Variants in PPP4R4 observed in about 807,000 individuals in gnomAD.
The protein encoded by PPP4R4 is protein phosphatase 4 regulatory subunit 4, also known as serine/threonine-protein phosphatase 4 regulatory subunit 4.
A neutral mutation model predicts 121.8 loss-of-function variants in PPP4R4; 70 were observed. That is an observed-to-expected ratio of 0.57 (90% CI 0.47 to 0.70). The LOEUF (loss-of-function observed/expected upper bound fraction) is 0.70, where lower values mean the gene tolerates loss of function less well. Among genes scored for constraint, PPP4R4 ranks in the 30% least tolerant of loss-of-function variants. The probability of loss-of-function intolerance (pLI) is 0.00; values close to 1 mark genes in which losing one functional copy is unlikely to be tolerated. For missense variants in PPP4R4, 875 were observed against 1,033.6 expected, an observed-to-expected ratio of 0.85 and a Z score of 2.10; for synonymous variants, 348 against 355.7, an observed-to-expected ratio of 0.98 and a Z score of 0.24.
At chr14:94,271,212 G>T (rs1264161141) in intron 23 of PPP4R4, among the ~76,000 whole-genome samples, 2 of 152,042 alleles carry the variant, frequency 1.3e-5, no homozygotes, top group Non-Finnish European at 2.9e-5. Flanking sequence ...GTCATTCCAA[G>T]AAAAGAATAA....
intron 14 of PPP4R4, among the ~76,000 whole-genome samples, chr14:94,247,359 T>C (rs951660370): frequency 6.6e-6 from 1 of 152,236 alleles, no homozygotes; most frequent in African/African-American, 2.4e-5. Flanking sequence ...CACACTCATC[T>C]GCTGGGCTGA....
At chr14:94,235,467 T>A (rs1466246879) in intron 7 of PPP4R4, among the ~76,000 whole-genome samples, 3 of 138,670 alleles carry the variant, frequency 2.2e-5, no homozygotes, top group Non-Finnish European at 3.1e-5. Context: ...TGGCGCGATC[T>A]CGGCTCACTG....
chr14:94,202,828 A>G (rs1258883557), intron 2 of PPP4R4, among the ~76,000 whole-genome samples: 1 of 151,998 alleles, frequency 6.6e-6, no homozygotes, highest in African/African-American at 2.4e-5. Context: ...AAATAAAAAC[A>G]AAATATTGGC....
intron 3 of PPP4R4, among the ~76,000 whole-genome samples, chr14:94,221,163 T>G (rs577453099): frequency 8.9e-4 from 135 of 152,244 alleles, no homozygotes; most frequent in African/African-American, 3.1e-3. Context: ...TTTCAACAAA[T>G]GATGCTCAAA....
At chr14:94,244,875 A>G (rs1409895939) in intron 12 of PPP4R4, among the ~76,000 whole-genome samples, 163 bp downstream of exon 12, 1 of 152,158 alleles carries the variant, frequency 6.6e-6, no homozygotes, top group Non-Finnish European at 1.5e-5. Flanking sequence ...GATATTGGGA[A>G]GATAGTTTAA....
At chr14:94,234,315 T>C (rs1052974405) in intron 6 of PPP4R4, among the ~76,000 whole-genome samples, 1 of 152,228 alleles carries the variant, frequency 6.6e-6, no homozygotes, top group Non-Finnish European at 1.5e-5. Flanking sequence ...ATCTTAGCTA[T>C]AGACATTTCA....
At chr14:94,196,609 T>C (rs1889890569) in intron 2 of PPP4R4, among the ~76,000 whole-genome samples, 1 of 152,114 alleles carries the variant, frequency 6.6e-6, no homozygotes, top group Non-Finnish European at 1.5e-5. Context: ...CCACTGTGCC[T>C]GGCCTCAAAT....
rs763821669 is a variant in PPP4R4 at position 94,230,715 on chromosome 14, T to G, written c.423T>G (p.His141Gln). Residue 141 changes from histidine (H) to glutamine (Q), a missense_variant, in exon 4 of 25, where the codon CAT becomes CAG. Coordinates refer to ENST00000304338, the MANE Select transcript of PPP4R4 (RefSeq NM_058237.2). ...THSFLQVILL[H>Q]LEHRDTGVSN... ...CATTCCTCCAAGTCATTCTCCTGCA[T>G]CTGGAGCACAGGGACACAGGTCAGG... The G allele has an allele frequency of 6.2e-7, 1 of 1,613,564 alleles. No individual in the cohort carries two copies. The highest frequency in any genetic ancestry group is 1.7e-5 in the Admixed American group (1 of 59,992).
intron 3 of PPP4R4, among the ~76,000 whole-genome samples, chr14:94,221,298 C>A (rs1281206104): frequency 5.3e-5 from 8 of 152,006 alleles, no homozygotes; most frequent in Admixed American, 5.2e-4. Flanking sequence ...ATTTTTGTGA[C>A]CTTGGGTTAG....
At chr14:94,257,642 T>TACACACACACACAC (rs57997995) in intron 17 of PPP4R4, among the ~76,000 whole-genome samples, 218 of 146,980 alleles carry the variant, frequency 1.5e-3, no homozygotes, top group African/African-American at 4.0e-3. Flanking sequence ...CATTTAAATC[T>TACACACACACACAC]ACACACACAC....
intron 2 of PPP4R4, among the ~76,000 whole-genome samples, chr14:94,182,950 A>G (rs947939249): frequency 3.3e-5 from 5 of 152,340 alleles, no homozygotes; most frequent in African/African-American, 9.6e-5. Context: ...CTTCTAGTAC[A>G]TAATTTCTAG....
At chr14:94,196,799 A>C (rs893962721) in intron 2 of PPP4R4, among the ~76,000 whole-genome samples, 9 of 151,690 alleles carry the variant, frequency 5.9e-5, no homozygotes, top group African/African-American at 2.2e-4. Flanking sequence ...GTGTTTTTTC[A>C]TATCTTACAC....
intron 2 of PPP4R4, among the ~76,000 whole-genome samples, chr14:94,193,159 T>C (rs1441870457): frequency 6.7e-6 from 1 of 149,912 alleles, no homozygotes; most frequent in Non-Finnish European, 1.5e-5. Context: ...GAGGACAAAC[T>C]TTTTTTTTTA....
intron 3 of PPP4R4, among the ~76,000 whole-genome samples, chr14:94,209,383 T>C (rs1776633330): frequency 6.6e-6 from 1 of 152,048 alleles, no homozygotes; most frequent in South Asian, 2.1e-4. Context: ...ATTTATGTGT[T>C]TAAAATACTG....
intron 9 of PPP4R4, 113 bp downstream of exon 9, chr14:94,240,908 A>T: frequency 2.4e-6 from 3 of 1,258,626 alleles, no homozygotes; most frequent in Non-Finnish European, 3.1e-6. Flanking sequence ...TCTTAAGTAT[A>T]TAAAAATCTT....
chr14:94,274,811 A>G (rs1276299414), intron 23 of PPP4R4, among the ~76,000 whole-genome samples: 3 of 152,208 alleles, frequency 2.0e-5, no homozygotes, highest in Non-Finnish European at 2.9e-5. Flanking sequence ...AAACTAAAAC[A>G]TATGTCCACA....
chr14:94,184,285 G>A (rs1226160548), intron 2 of PPP4R4, among the ~76,000 whole-genome samples: 5 of 151,694 alleles, frequency 3.3e-5, no homozygotes, highest in Non-Finnish European at 7.4e-5. Context: ...TTTGAGACAC[G>A]GTCTTGCTCT....
intron 2 of PPP4R4, among the ~76,000 whole-genome samples, chr14:94,180,249 T>G (rs1424861003): frequency 6.6e-6 from 1 of 152,234 alleles, no homozygotes; most frequent in African/African-American, 2.4e-5. Flanking sequence ...TCCAATAATT[T>G]AATAAACGGA....
rs1317803246 is a variant in PPP4R4, at chr14:94,275,455, G to A, written c.2531G>A (p.Gly844Glu). 3 of 1,613,778 alleles carry A rather than the reference G, an allele frequency of 1.9e-6. No individual in the cohort carries two copies. The highest frequency in any genetic ancestry group is 2.2e-5 in the East Asian group (1 of 44,882). ...PNTPLPSTSR[G>E]TGNSVDPKSS... ...ACTCCCTTACCGAGTACTTCCCGTGGGACAGGTAACTCAGTTGACCCCAAG... is the reference window on the plus strand; with the variant it reads ...ACTCCCTTACCGAGTACTTCCCGTGAGACAGGTAACTCAGTTGACCCCAAG... Residue 844 changes from glycine to glutamate, a missense_variant, in exon 24 of 25, where the codon GGG becomes GAG. Gly to Glu is a moderately conservative substitution (Grantham distance 98). Coordinates refer to ENST00000304338, the MANE Select transcript of PPP4R4 (RefSeq NM_058237.2).
Sources: gnomAD v4.1 joint callset for allele counts (sites outside exome capture counted in the v4.1 genomes callset) on GRCh38, gnomAD v4.1.1 for gene constraint, MANE v1.5 for transcripts, NCBI Gene and HGNC (gene_info 2026-07-23, HGNC 2026-07-21) for gene names.